Variants in WDR25 observed in about 807,000 individuals in gnomAD.
WDR25 encodes the protein WD repeat-containing protein 25.
WDR25 carries 35 observed loss-of-function variants against 47.7 expected under a neutral mutation model. That is an observed-to-expected ratio of 0.73 (90% confidence interval 0.56 to 0.97). The LOEUF is 0.97. Among genes scored for constraint, WDR25 ranks in the 50% least tolerant of loss-of-function variants. The pLI is 0.00. For synonymous variants in WDR25, 248 were observed against 278.9 expected (o/e 0.89, Z 1.10); for missense variants, 634 against 704.7 (o/e 0.90, Z 1.14).
chr14:100,379,390 CTTT>C (rs148841833), intron 1 of WDR25, among the ~76,000 whole-genome samples: 2 of 135,428 alleles, frequency 1.5e-5, no homozygotes, highest in African/African-American at 2.7e-5. Flanking sequence ...CTTTTTTTTT[CTTT>C]TTTTTTTTTT....
intron 4 of WDR25, among the ~76,000 whole-genome samples, chr14:100,511,383 A>T (rs967290408): frequency 6.6e-6 from 1 of 152,196 alleles, no homozygotes; most frequent in Non-Finnish European, 1.5e-5. Flanking sequence ...TGAATTCTGT[A>T]ACTCTTCTAA....
At chr14:100,423,642 G>A (rs1407647736) in intron 2 of WDR25, among the ~76,000 whole-genome samples, 3 of 152,128 alleles carry the variant, frequency 2.0e-5, no homozygotes, top group African/African-American at 4.8e-5. Flanking sequence ...CCTCGAAAAC[G>A]GAACTTTTGA....
rs939917738 is a variant in WDR25, at chr14:100,424,968, T to C, written c.823-43053T>C. Among the ~76,000 whole-genome samples the C allele has an allele frequency of 6.6e-6, 1 of 152,156 alleles. No individual in the cohort carries two copies. Among genetic ancestry groups the C allele is most frequent in the Admixed American group, 6.5e-5 (1 of 15,274 alleles). On this transcript the variant is annotated intron_variant, in intron 2 of 6. Coordinates refer to ENST00000402312, the MANE Select transcript of WDR25 (RefSeq NM_001161476.3). This position sits in a 1 kb window ranked among gnomAD's most constrained non-coding sequence, Gnocchi z 4.2. ...CCTGTCAGTCACACAGCTCGTGGCTTCCCCATGAAGCATCTCTTGGGTCTG... is the reference window on the plus strand; with the variant it reads ...CCTGTCAGTCACACAGCTCGTGGCTCCCCCATGAAGCATCTCTTGGGTCTG...
chr14:100,414,896 T>G lies in WDR25; in HGVS notation c.822+33150T>G, dbSNP rs1595515758. Among the ~76,000 whole-genome samples the G allele has an allele frequency of 2.2e-5, 3 of 133,536 alleles. No homozygotes were observed. In the South Asian group the frequency reaches 6.9e-4, roughly 31 times the overall value. 87.6% of individuals were successfully genotyped at this position (133,536 alleles called of 152,430 possible). On this transcript the variant is annotated intron_variant, in intron 2 of 6. Coordinates refer to ENST00000402312, the MANE Select transcript of WDR25 (RefSeq NM_001161476.3). ...TCCAGCCTGGGTGACAGAGCAAGAC[T>G]CCATCTCAAAAAAAAAAAAAAGAAG...
At chr14:100,438,633 C>T (rs1012407590) in intron 2 of WDR25, among the ~76,000 whole-genome samples, 3 of 152,156 alleles carry the variant, frequency 2.0e-5, no homozygotes, top group African/African-American at 4.8e-5. Context: ...GATCATTCAG[C>T]TGGCAAACCT....
chr14:100,444,110 A>C (rs1183369580), intron 2 of WDR25, among the ~76,000 whole-genome samples: 1 of 152,230 alleles, frequency 6.6e-6, no homozygotes, highest in Non-Finnish European at 1.5e-5. Flanking sequence ...GGATTCTGCA[A>C]GGGGTGGCCC....
intron 2 of WDR25, among the ~76,000 whole-genome samples, chr14:100,441,408 G>C (rs144526582): frequency 2.6e-5 from 4 of 152,260 alleles, no homozygotes; most frequent in African/African-American, 9.6e-5. Context: ...GCAGTGCAGG[G>C]GGTGGTTTGC....
intron 2 of WDR25, among the ~76,000 whole-genome samples, chr14:100,434,183 G>A (rs539170107): frequency 1.3e-5 from 2 of 152,300 alleles, no homozygotes; most frequent in Non-Finnish European, 2.9e-5. Context: ...ACAGATCTTG[G>A]CGATAGATGT....
chr14:100,419,221 CA>C (rs767240939), intron 2 of WDR25, among the ~76,000 whole-genome samples: 611 of 72,212 alleles, frequency 8.5e-3, no homozygotes, highest in African/African-American at 0.01. Context: ...GACTCCATCA[CA>C]AAAAAAAAAA....
chr14:100,382,612 C>T (rs1189142024), intron 2 of WDR25, among the ~76,000 whole-genome samples: 8 of 152,196 alleles, frequency 5.3e-5, no homozygotes, highest in South Asian at 2.1e-4. Flanking sequence ...TGTGATAGGT[C>T]GTTGTGCCCA....
Position 100,419,181 on chromosome 14 carries a change from C to A in WDR25, c.822+37435C>A, listed in dbSNP as rs1429088237. 2.0e-5 allele frequency among the ~76,000 whole-genome samples: 3 copies of A among 148,998 alleles called. No homozygotes were observed. In the Admixed American group the frequency reaches 2.0e-4, roughly 10 times the overall value. On this transcript the variant is annotated intron_variant, in intron 2 of 6. Coordinates refer to ENST00000402312, the MANE Select transcript of WDR25 (RefSeq NM_001161476.3). ...AGATTGCAGTGAGCCGAGATCACGC[C>A]ACTGCACTCCAGCCTGGGCGACAGA...
intron 4 of WDR25, among the ~76,000 whole-genome samples, chr14:100,516,446 A>T (rs1320556094): frequency 6.6e-6 from 1 of 152,204 alleles, no homozygotes; most frequent in African/African-American, 2.4e-5. Context: ...GTTACTTATT[A>T]TAAAGAAAGG....
At chr14:100,376,717 T>C in intron 1 of WDR25, 1 of 1,230,784 alleles carries the variant, frequency 8.1e-7, no homozygotes, top group East Asian at 3.2e-5. Context: ...CGTATCTTGT[T>C]TGTTGCTTTC....
chr14:100,443,486 G>T (rs1328161726), intron 2 of WDR25, among the ~76,000 whole-genome samples: 1 of 152,134 alleles, frequency 6.6e-6, no homozygotes, highest in African/African-American at 2.4e-5. Context: ...TCTGCTTTCC[G>T]TGCTAGCCGA....
chr14:100,432,915 A>G (rs1214962636), intron 2 of WDR25, among the ~76,000 whole-genome samples: 1 of 152,252 alleles, frequency 6.6e-6, no homozygotes, highest in Non-Finnish European at 1.5e-5. Context: ...CTCCTAGGCT[A>G]CACAGCTGTA....
At chr14:100,467,347 T>C (rs563486979) in intron 2 of WDR25, among the ~76,000 whole-genome samples, 22 of 151,046 alleles carry the variant, frequency 1.5e-4, no homozygotes, top group South Asian at 4.2e-4. Context: ...ATGCCAGGGA[T>C]GCAGGCGAGC....
In WDR25 at chr14:100,502,650, C is replaced by T. The variant is rs1377816072; in HGVS notation, c.1101+18526C>T. Among the ~76,000 whole-genome samples, 3 of 152,218 alleles carry T rather than the reference C, an allele frequency of 2.0e-5. No individual in the cohort carries two copies. Among genetic ancestry groups the T allele is most frequent in the Non-Finnish European group, 4.4e-5 (3 of 68,034 alleles). ...GCCAAGTGGCCACGGCGTGGGGGAA[C>T]ATGAGGTCCCTCCCTGCATGGCGAG... On this transcript the variant is annotated intron_variant, in intron 4 of 6. Coordinates refer to ENST00000402312, the MANE Select transcript of WDR25 (RefSeq NM_001161476.3). The surrounding 1 kb of genome is among the most constrained non-coding windows in gnomAD (Gnocchi z 4.5).
At chr14:100,381,906 C>A (rs1436382168) in intron 2 of WDR25, 160 bp downstream of exon 2, 20 of 677,176 alleles carry the variant, frequency 3.0e-5, no homozygotes, top group Middle Eastern at 5.2e-4. Context: ...GTGGTCAGCT[C>A]CGGGTTGTGG....
chr14:100,468,180 G>T lies in WDR25; in HGVS notation c.970+12G>T, dbSNP rs1357171824. 1.9e-6 allele frequency: 3 copies of T among 1,608,382 alleles called. No individual in the cohort carries two copies. The highest frequency in any genetic ancestry group is 2.2e-5 in the East Asian group (1 of 44,802). ...AGACCTTGAAACAGGTGCGTTTCTTGTGTCACCTCCCTGAGGTGAGCTGGC... is the reference window on the plus strand; with the variant it reads ...AGACCTTGAAACAGGTGCGTTTCTTTTGTCACCTCCCTGAGGTGAGCTGGC... On this transcript the variant is annotated intron_variant, in intron 3 of 6. Transcript: ENST00000402312. This position sits in a 1 kb window ranked among gnomAD's most constrained non-coding sequence, Gnocchi z 4.5.
Sources: gnomAD v4.1 joint callset for allele counts (sites outside exome capture counted in the v4.1 genomes callset) on GRCh38, gnomAD v4.1.1 for gene constraint, Gnocchi (gnomAD v3.1) non-coding constraint, MANE v1.5 for transcripts, NCBI Gene and HGNC (gene_info 2026-07-23, HGNC 2026-07-21) for gene names.